PLOD2: variants seen among roughly 807,000 people sequenced by gnomAD.
PLOD2 encodes lysine hydroxylase 2.
Under a neutral mutation model 101.0 loss-of-function variants are expected in PLOD2, and 65 were observed. That is an observed-to-expected ratio of 0.64 (90% CI 0.53 to 0.79). The LOEUF is 0.79. Ranked by LOEUF, PLOD2 falls within the 30% of genes least tolerant of loss-of-function variation. The probability of loss-of-function intolerance (pLI) is 0.00; values close to 1 mark genes in which losing one functional copy is unlikely to be tolerated. For missense variants in PLOD2, 909 were observed against 914.6 expected, an observed-to-expected ratio of 0.99 and a Z score of 0.08; for synonymous variants, 314 against 302.9, an observed-to-expected ratio of 1.04 and a Z score of -0.38.
Position 146,076,770 on chromosome 3 carries a change from T to A in PLOD2, c.1677+12A>T. The stretch of plus-strand genomic sequence containing the variant: ...TATAGAAAAATAATAAAGTTGAGTA[T>A]GAAATACATACCACAGGATTTTCAA... On this transcript the variant is annotated intron_variant, in intron 15 of 19. Coordinates refer to ENST00000282903, the MANE Select transcript of PLOD2 (RefSeq NM_182943.3). 8.3e-7 allele frequency: 1 copy of A among 1,201,348 alleles called. No homozygotes were observed. The highest frequency in any genetic ancestry group is 1.2e-6 in the Non-Finnish European group (1 of 807,066). 74.4% of individuals were successfully genotyped at this position (1,201,348 alleles called of 1,614,324 possible). A position where few individuals can be genotyped will look rare whatever the true frequency, so the allele number is the denominator to read the frequency against.
Position 146,071,144 on chromosome 3 carries a change from T to C in PLOD2, c.2019A>G (p.Val673=). The C allele has an allele frequency of 1.2e-6, 2 of 1,611,344 alleles. No homozygotes were observed. Among genetic ancestry groups the C allele is most frequent in the Non-Finnish European group, 1.7e-6 (2 of 1,178,240 alleles). ...YTKGFALLNF[V]VKYSPERQRS... ...GCTGTCGTTCAGGGGAGTATTTTAC[T>C]ACAAAATTCAGTAGTGCAAATCCCT... is the stretch of plus-strand genomic sequence containing the variant. The change falls in exon 19 of 20, where the codon GTA becomes GTG. Residue 673 remains valine, a synonymous_variant. Coordinates refer to ENST00000282903, the MANE Select transcript of PLOD2 (RefSeq NM_182943.3).
rs1392762753 is a variant in PLOD2 at position 146,161,119 on chromosome 3, G to C, written c.-130C>G. On this transcript the variant is annotated 5_prime_UTR_variant, in exon 1 of 20. Coordinates refer to ENST00000282903, the MANE Select transcript of PLOD2 (RefSeq NM_182943.3). Reference sequence around the variant, plus strand: ...GGGCGGGAGCCGGCGGGCAAGGCGCGCGGCCGGCAGCCGGAGCGGCGCGTA... The same window carrying C: ...GGGCGGGAGCCGGCGGGCAAGGCGCCCGGCCGGCAGCCGGAGCGGCGCGTA... 2.1e-6 allele frequency: 1 copy of C among 479,544 alleles called. No homozygotes were observed. The highest frequency in any genetic ancestry group is 3.4e-6 in the Non-Finnish European group (1 of 290,200). 29.7% of individuals were successfully genotyped at this position (479,544 alleles called of 1,614,324 possible). A position where few individuals can be genotyped will look rare whatever the true frequency, so the allele number is the denominator to read the frequency against.
At chr3:146,083,577 C>CTTTCTTTCT (rs1936644092) in intron 11 of PLOD2, among the ~76,000 whole-genome samples, 81 of 75,776 alleles carry the variant, frequency 1.1e-3, no homozygotes, top group Non-Finnish European at 1.9e-3. Context: ...AAGTCTTTTT[C>CTTTCTTTCT]TTTTTTTTTT....
intron 1 of PLOD2, among the ~76,000 whole-genome samples, chr3:146,144,289 C>A (rs911857413): frequency 6.6e-6 from 1 of 151,996 alleles, no homozygotes; most frequent in Non-Finnish European, 1.5e-5. Flanking sequence ...AATATTTTAG[C>A]AAGTAAATAA....
At chr3:146,095,902 C>T (rs1576588983) in intron 7 of PLOD2, among the ~76,000 whole-genome samples, 1 of 86,486 alleles carries the variant, frequency 1.2e-5, no homozygotes. Flanking sequence ...CTCCCCCCTC[C>T]CCCCTCTCCC....
intron 4 of PLOD2, among the ~76,000 whole-genome samples, chr3:146,108,420 T>A (rs567523827): frequency 6.6e-6 from 1 of 152,124 alleles, no homozygotes; most frequent in Non-Finnish European, 1.5e-5. Flanking sequence ...TGGGCTCAAG[T>A]CACCTTCCTG....
At chr3:146,086,733 T>TTTATTATTTAC in intron 10 of PLOD2, 54 bp downstream of exon 10, 1 of 1,233,358 alleles carries the variant, frequency 8.1e-7, no homozygotes, top group East Asian at 2.6e-5. Flanking sequence ...TTATTTTTTC[T>TTTATTATTTAC]TAACGTTTCC....
chr3:146,132,283 C>T (rs928221397), intron 1 of PLOD2, among the ~76,000 whole-genome samples: 64 of 152,080 alleles, frequency 4.2e-4, no homozygotes, highest in African/African-American at 1.4e-3. Context: ...GAGTTGGTCA[C>T]CATAGCAGTA....
At chr3:146,127,730 A>G (rs1021847432) in intron 1 of PLOD2, among the ~76,000 whole-genome samples, 1 of 152,128 alleles carries the variant, frequency 6.6e-6, no homozygotes, top group African/African-American at 2.4e-5. Context: ...TCAAACGAAG[A>G]AATACGAGTG....
rs1302932725 is a variant in PLOD2, at chr3:146,077,109, T to C, written c.1564-214A>G. The C allele has an allele frequency of 5.0e-6, 6 of 1,203,848 alleles. No individual in the cohort carries two copies. In the Admixed American group the frequency reaches 1.7e-4, roughly 34 times the overall value. The allele number at this position is 1,203,848 out of a possible 1,614,324, so 74.6% of individuals were successfully genotyped here. The stretch of plus-strand genomic sequence containing the variant: ...ACCACACAAAACTAGTAGATAGCAC[T>C]GACACTCAACTGAAAAAAAGAAGAA... On this transcript the variant is annotated intron_variant, in intron 14 of 19. Coordinates refer to ENST00000282903, the MANE Select transcript of PLOD2 (RefSeq NM_182943.3).
At position 146,082,910 on chromosome 3, in the gene PLOD2, T is replaced by C. The variant is rs897858291; in HGVS notation, c.1233-1047A>G. Among the ~76,000 whole-genome samples the C allele has an allele frequency of 2.0e-5, 3 of 151,928 alleles. No homozygotes were observed. In the East Asian group the frequency reaches 5.8e-4, roughly 29 times the overall value. ...ACTCCATCTCAAAAAAATAAATAAATAAAAATAAATACACATCATGCAAAA... is the reference window on the plus strand; with the variant it reads ...ACTCCATCTCAAAAAAATAAATAAACAAAAATAAATACACATCATGCAAAA... On this transcript the variant is annotated intron_variant, in intron 11 of 19. Coordinates refer to ENST00000282903, the MANE Select transcript of PLOD2 (RefSeq NM_182943.3).
chr3:146,152,296 TGTAATGC>T (rs749292416), intron 1 of PLOD2, among the ~76,000 whole-genome samples: 10 of 152,046 alleles, frequency 6.6e-5, no homozygotes, highest in Non-Finnish European at 1.3e-4. Context: ...GGCACGCACC[TGTAATGC>T]CAGCTACTCA....
chr3:146,078,083 A>C lies in PLOD2; in HGVS notation c.1501-159T>G, dbSNP rs779915407. 2.0e-5 allele frequency among the ~76,000 whole-genome samples: 3 copies of C among 151,874 alleles called. No individual in the cohort carries two copies. The East Asian group carries it at 5.8e-4, about 29-fold the overall frequency. The stretch of plus-strand genomic sequence containing the variant: ...AACAAGCAAAGCTTATAGCACACAC[A>C]AAGAAACATCTCCAGCTCTTTCAGC... On this transcript the variant is annotated intron_variant, in intron 13 of 19. Transcript: ENST00000282903.
At chr3:146,113,913 G>T (rs9842865) in intron 3 of PLOD2, among the ~76,000 whole-genome samples, 103,640 of 152,028 alleles carry the variant, frequency 0.68, 35,530 homozygotes, top group South Asian at 0.74. Flanking sequence ...AAATATCGCT[G>T]AATTCTTTTT....
intron 7 of PLOD2, among the ~76,000 whole-genome samples, chr3:146,092,114 A>G (rs1272867525): frequency 6.6e-6 from 1 of 151,838 alleles, no homozygotes; most frequent in African/African-American, 2.4e-5. Context: ...TGTCAAAAAA[A>G]AAGTCTTATA....
At chr3:146,071,834 T>C (rs376779859) in intron 17 of PLOD2, among the ~76,000 whole-genome samples, 1 of 151,714 alleles carries the variant, frequency 6.6e-6, no homozygotes, top group East Asian at 1.9e-4. Flanking sequence ...AAAACAAGCT[T>C]TCCCCGCCCT....
At chr3:146,098,349 A>G (rs928530059) in intron 7 of PLOD2, among the ~76,000 whole-genome samples, 1 of 152,218 alleles carries the variant, frequency 6.6e-6, no homozygotes, top group African/African-American at 2.4e-5. Context: ...GTAAACCTTC[A>G]AATTAGAAAC....
At position 146,081,990 on chromosome 3, in the gene PLOD2, T is replaced by A. The variant is rs1223957782; in HGVS notation, c.1233-127A>T. On this transcript the variant is annotated intron_variant, in intron 11 of 19. Coordinates refer to ENST00000282903, the MANE Select transcript of PLOD2 (RefSeq NM_182943.3). Reference sequence around the variant, plus strand: ...CACAAGAAAGCTCATTCAACAAACCTGTAGTTAATAAAAATAAAATAAGGA... The same window carrying A: ...CACAAGAAAGCTCATTCAACAAACCAGTAGTTAATAAAAATAAAATAAGGA... 6.6e-6 allele frequency: 4 copies of A among 607,166 alleles called. No homozygotes were observed. In the Admixed American group the frequency reaches 1.4e-4, roughly 22 times the overall value. The allele number at this position is 607,166 out of a possible 1,614,324, so 37.6% of individuals were successfully genotyped here. A position where few individuals can be genotyped will look rare whatever the true frequency, so the allele number is the denominator to read the frequency against.
intron 13 of PLOD2, among the ~76,000 whole-genome samples, chr3:146,078,272 A>C (rs577594065): frequency 6.6e-6 from 1 of 151,928 alleles, no homozygotes; most frequent in African/African-American, 2.4e-5. Flanking sequence ...ATGAGCACAA[A>C]ATACTATCAC....
Sources: gnomAD v4.1 joint callset for allele counts (sites outside exome capture counted in the v4.1 genomes callset) on GRCh38, gnomAD v4.1.1 for gene constraint, MANE v1.5 for transcripts, NCBI Gene and HGNC (gene_info 2026-07-23, HGNC 2026-07-21) for gene names.